DAB1: variants seen among roughly 807,000 people sequenced by gnomAD.
DAB1 encodes the protein DAB adaptor protein 1, also known as disabled homolog 1.
In DAB1, 15 loss-of-function variants were observed where a neutral mutation model predicts 64.6. That is an observed-to-expected ratio of 0.23 (90% CI 0.16 to 0.36). The LOEUF (loss-of-function observed/expected upper bound fraction) is 0.36, where lower values mean the gene tolerates loss of function less well. DAB1 is among the 10% of genes least tolerant of loss of function. DAB1 has a pLI of 1.00. For missense variants in DAB1, 596 were observed against 706.7 expected (o/e 0.84, Z 1.78); for synonymous variants, 235 against 251.9 (o/e 0.93, Z 0.64).
chr1:57,024,482 G>C (rs948029532), intron 10 of DAB1, among the ~76,000 whole-genome samples: 1 of 152,054 alleles, frequency 6.6e-6, no homozygotes, highest in Non-Finnish European at 1.5e-5. Context: ...GAATAGGCTG[G>C]GGCAAGCAAT....
At chr1:57,992,106 T>C (rs978724934) in intron 5 of DAB1, among the ~76,000 whole-genome samples, 1 of 152,084 alleles carries the variant, frequency 6.6e-6, no homozygotes, top group African/African-American at 2.4e-5. Context: ...TACAATAATG[T>C]TGGGTGAAAG....
chr1:57,535,403 C>T (rs1644714080), intron 7 of DAB1, among the ~76,000 whole-genome samples: 1 of 151,844 alleles, frequency 6.6e-6, no homozygotes, highest in Non-Finnish European at 1.5e-5. Flanking sequence ...TACCTTGTTG[C>T]CTGAAGTTAC....
At chr1:57,914,800 G>A (rs1277566885) in intron 5 of DAB1, among the ~76,000 whole-genome samples, 1 of 152,132 alleles carries the variant, frequency 6.6e-6, no homozygotes, top group Non-Finnish European at 1.5e-5. Context: ...ATTATATTGA[G>A]CCTGACATAA....
intron 5 of DAB1, among the ~76,000 whole-genome samples, chr1:57,976,191 C>T (rs1405034849): frequency 6.6e-6 from 1 of 152,124 alleles, no homozygotes; most frequent in African/African-American, 2.4e-5. Context: ...CCCTGGATTG[C>T]ACTCTGAAAG....
intron 7 of DAB1, among the ~76,000 whole-genome samples, chr1:57,536,632 G>A (rs1166820853): frequency 1.4e-5 from 2 of 147,398 alleles, no homozygotes; most frequent in Non-Finnish European, 3.0e-5. Context: ...AAAATTGAGT[G>A]AATTTGAAGT....
At chr1:58,515,802 A>G (rs1460213669) in intron 2 of DAB1, among the ~76,000 whole-genome samples, 1 of 152,216 alleles carries the variant, frequency 6.6e-6, no homozygotes, top group African/African-American at 2.4e-5. Flanking sequence ...TAGATAAATC[A>G]CTTTACATCT....
Position 58,059,644 on chromosome 1 carries a change from A to G in DAB1, n.387+90867T>C, listed in dbSNP as rs374861993. ...CAAAGGAAAATAAGATGCAGTCCTC[A>G]ACTTCAAGGAGCACACAGTCTAATG... is the stretch of plus-strand genomic sequence containing the variant. On this transcript the variant is annotated intron_variant and non_coding_transcript_variant, in intron 5 of 20. Transcript: ENST00000485760. Among the ~76,000 whole-genome samples the G allele has an allele frequency of 4.8e-4, 73 of 152,354 alleles. No homozygotes were observed. In the East Asian group the frequency reaches 0.013, roughly 26 times the overall value.
intron 4 of DAB1, among the ~76,000 whole-genome samples, chr1:58,171,271 C>T (rs1421636130): frequency 1.3e-5 from 2 of 152,186 alleles, no homozygotes; most frequent in Admixed American, 6.5e-5. Flanking sequence ...CAGTCCAAAT[C>T]AGGCTTAAAG....
At chr1:57,312,096 G>A (rs1185082059) in intron 1 of DAB1, among the ~76,000 whole-genome samples, 3 of 152,148 alleles carry the variant, frequency 2.0e-5, no homozygotes, top group Non-Finnish European at 4.4e-5. Context: ...CAAAAGAAAG[G>A]TGAATAAGAT....
intron 1 of DAB1, among the ~76,000 whole-genome samples, chr1:58,541,047 C>T (rs895633844): frequency 2.2e-4 from 34 of 151,864 alleles, no homozygotes; most frequent in African/African-American, 6.5e-4. Context: ...TGGTGGCTCA[C>T]GCCTGTAATC....
rs780021895 is a variant in DAB1, at chr1:56,996,889, GAC to G, written c.*1253_*1254del. 19 of 151,892 alleles carry G rather than the reference GAC, an allele frequency of 1.3e-4. No homozygotes were observed. The highest frequency in any genetic ancestry group is 1.9e-4 in the Non-Finnish European group (13 of 67,940). 9.4% of individuals were successfully genotyped at this position (151,892 alleles called of 1,614,324 possible). A position where few individuals can be genotyped will look rare whatever the true frequency, so the allele number is the denominator to read the frequency against. ...TTAACATTTATATTTACAAAAAAAAGACAATTTTTTTTCATTAGAACTCCTTA... is the reference window on the plus strand; with the variant it reads ...TTAACATTTATATTTACAAAAAAAAGAATTTTTTTTCATTAGAACTCCTTA... On this transcript the variant is annotated 3_prime_UTR_variant, in exon 15 of 15. Coordinates refer to ENST00000371236, the MANE Select transcript of DAB1 (RefSeq NM_001365792.1).
chr1:57,044,360 G>T (rs1648190370), intron 9 of DAB1, among the ~76,000 whole-genome samples: 2 of 152,330 alleles, frequency 1.3e-5, no homozygotes, highest in East Asian at 1.9e-4. Flanking sequence ...GTGAAGGAAT[G>T]AATGCTTGAG....
chr1:57,063,057 G>T (rs1309311384), intron 8 of DAB1, 114 bp from the exon 9 acceptor site: 3 of 848,668 alleles, frequency 3.5e-6, no homozygotes, highest in African/African-American at 1.7e-5. Flanking sequence ...AATGGCCCCA[G>T]GGACAAGCCC....
intron 2 of DAB1, among the ~76,000 whole-genome samples, chr1:57,234,151 C>A (rs183194): frequency 0.04 from 6,104 of 152,156 alleles, 225 homozygotes; most frequent in African/African-American, 0.09. Context: ...AAGAATGGCC[C>A]GACTCAAGGA....
intron 5 of DAB1, among the ~76,000 whole-genome samples, chr1:57,935,729 C>CA (rs771896479): frequency 6.6e-6 from 1 of 151,736 alleles, no homozygotes; most frequent in East Asian, 1.9e-4. Context: ...TAAAAACAAA[C>CA]AACAACAACA....
At chr1:57,586,116 G>A (rs1471997133) in intron 7 of DAB1, among the ~76,000 whole-genome samples, 8 of 151,978 alleles carry the variant, frequency 5.3e-5, no homozygotes, top group Non-Finnish European at 1.0e-4. Flanking sequence ...TCTAGTGGGG[G>A]AAAAAAAGCA....
intron 5 of DAB1, among the ~76,000 whole-genome samples, chr1:58,106,967 C>T (rs1216168795): frequency 6.6e-6 from 1 of 151,186 alleles, no homozygotes; most frequent in Non-Finnish European, 1.5e-5. Context: ...TTCTTTCCCT[C>T]CTTCTAAAGC....
chr1:57,985,621 C>T (rs1646196225), intron 5 of DAB1, among the ~76,000 whole-genome samples: 1 of 147,452 alleles, frequency 6.8e-6, no homozygotes, highest in Admixed American at 7.0e-5. Flanking sequence ...AACGTGGTCC[C>T]TGACTCACAG....
intron 5 of DAB1, among the ~76,000 whole-genome samples, chr1:57,914,380 A>C (rs1644694138): frequency 6.9e-6 from 1 of 144,754 alleles, no homozygotes; most frequent in Non-Finnish European, 1.5e-5. Flanking sequence ...CATGAGGTGA[A>C]CATTTGGACA....
Sources: gnomAD v4.1 joint callset for allele counts (sites outside exome capture counted in the v4.1 genomes callset) on GRCh38, gnomAD v4.1.1 for gene constraint, MANE v1.5 for transcripts, NCBI Gene and HGNC (gene_info 2026-07-23, HGNC 2026-07-21) for gene names.